The following SDK1 variants were observed in gnomAD, a reference collection of about 807,000 sequenced individuals.
SDK1 encodes the protein sidekick cell adhesion molecule 1.
Under a neutral mutation model 245.5 loss-of-function variants are expected in SDK1, and 157 were observed. That is an observed-to-expected ratio of 0.64 (90% CI 0.56 to 0.73). The LOEUF (loss-of-function observed/expected upper bound fraction) is 0.73. Ranked by LOEUF, SDK1 falls within the 30% of genes least tolerant of loss-of-function variation. The pLI is 0.00. For synonymous variants in SDK1, 1,647 were observed against 1,278.5 expected, an observed-to-expected ratio of 1.29 and a Z score of -6.15; for missense variants, 3,583 against 3,002.3, an observed-to-expected ratio of 1.19 and a Z score of -4.52.
chr7:3,656,861 C>G (rs1253953157), intron 4 of SDK1, among the ~76,000 whole-genome samples: 1 of 151,898 alleles, frequency 6.6e-6, no homozygotes, highest in Non-Finnish European at 1.5e-5. Context: ...CATTCTCCTG[C>G]CTCAGCCTCC....
At chr7:4,144,838 T>C (rs1010139460) in intron 28 of SDK1, among the ~76,000 whole-genome samples, 1 of 152,168 alleles carries the variant, frequency 6.6e-6, no homozygotes, top group African/African-American at 2.4e-5. Flanking sequence ...CCTCCCTTGT[T>C]TAACTCCAGC....
intron 1 of SDK1, among the ~76,000 whole-genome samples, chr7:3,355,151 T>C (rs768384451): frequency 1.3e-5 from 2 of 152,248 alleles, no homozygotes; most frequent in East Asian, 3.8e-4. Context: ...CCTGTTAAAG[T>C]AATTGAAGAT....
At chr7:4,162,369 G>A (rs57109381) in intron 32 of SDK1, among the ~76,000 whole-genome samples, 2,900 of 128,232 alleles carry the variant, frequency 0.023, 99 homozygotes, top group African/African-American at 0.07. Context: ...TGTTGTTGTT[G>A]TTATTATTAT....
At chr7:3,686,738 T>A (rs547985950) in intron 4 of SDK1, among the ~76,000 whole-genome samples, 86 of 152,254 alleles carry the variant, frequency 5.6e-4, no homozygotes, top group African/African-American at 2.0e-3. Context: ...CAGGACCACA[T>A]GGGATCAGGT....
chr7:3,885,334 G>A (rs532273570), intron 5 of SDK1, among the ~76,000 whole-genome samples: 8 of 152,292 alleles, frequency 5.3e-5, no homozygotes, highest in Non-Finnish European at 1.0e-4. Flanking sequence ...TTGGTAACTT[G>A]GGGGTGGGCT....
intron 35 of SDK1, among the ~76,000 whole-genome samples, chr7:4,201,747 A>G (rs111271506): frequency 0.075 from 11,142 of 147,640 alleles, 429 homozygotes; most frequent in Middle Eastern, 0.11. Context: ...ACAACAGATG[A>G]CTGGCATGGC....
chr7:3,578,298 G>A (rs112845315), intron 1 of SDK1, among the ~76,000 whole-genome samples: 1 of 152,010 alleles, frequency 6.6e-6, no homozygotes, highest in Non-Finnish European at 1.5e-5. Flanking sequence ...GGGAGGGGGT[G>A]CAAGAACAGG....
At chr7:4,241,215 G>A (rs1786498668) in intron 42 of SDK1, among the ~76,000 whole-genome samples, 1 of 152,168 alleles carries the variant, frequency 6.6e-6, no homozygotes, top group African/African-American at 2.4e-5. Flanking sequence ...TCAAAAGGAA[G>A]CTCTGTACCC....
chr7:3,361,912 A>G (rs1263963212), intron 1 of SDK1, among the ~76,000 whole-genome samples: 1 of 152,228 alleles, frequency 6.6e-6, no homozygotes, highest in African/African-American at 2.4e-5. Flanking sequence ...TCTTTTAAGT[A>G]CTATATATCT....
intron 4 of SDK1, among the ~76,000 whole-genome samples, chr7:3,685,980 C>A (rs1322538018): frequency 6.6e-6 from 1 of 151,922 alleles, no homozygotes; most frequent in Non-Finnish European, 1.5e-5. Context: ...AAAAAATGAC[C>A]TAATAATATA....
intron 5 of SDK1, among the ~76,000 whole-genome samples, chr7:3,916,502 C>T (rs534812345): frequency 3.5e-4 from 53 of 152,246 alleles, no homozygotes; most frequent in South Asian, 1.9e-3. Flanking sequence ...CCATCTTTGT[C>T]TTAAAAGATG....
rs565446279 is a variant in SDK1, at chr7:3,834,640, G to GC, written c.847+13063dup. Among the ~76,000 whole-genome samples the GC allele has an allele frequency of 2.4e-4, 36 of 152,202 alleles. No individual in the cohort carries two copies. In the East Asian group the frequency reaches 6.2e-3, roughly 26 times the overall value. On this transcript the variant is annotated intron_variant, in intron 5 of 44. Coordinates refer to ENST00000404826, the MANE Select transcript of SDK1 (RefSeq NM_152744.4). ...TTGCTCCCTTGTTATAAATATCAGTGCCCCCCAGGAAGACTCTGCATTTAA... is the reference window on the plus strand; with the variant it reads ...TTGCTCCCTTGTTATAAATATCAGTGCCCCCCCAGGAAGACTCTGCATTTAA...
chr7:4,139,359 A>G (rs1420231691), intron 28 of SDK1, among the ~76,000 whole-genome samples: 2 of 151,856 alleles, frequency 1.3e-5, no homozygotes, highest in Non-Finnish European at 2.9e-5. Context: ...GTATGTATAA[A>G]CAACTATATA....
intron 1 of SDK1, among the ~76,000 whole-genome samples, chr7:3,506,308 T>A (rs1782390997): frequency 6.6e-6 from 1 of 152,186 alleles, no homozygotes; most frequent in Admixed American, 6.5e-5. Context: ...TCTTCTATTG[T>A]CTTCTGGCTT....
At chr7:3,898,138 G>C (rs1488906590) in intron 5 of SDK1, among the ~76,000 whole-genome samples, 1 of 152,222 alleles carries the variant, frequency 6.6e-6, no homozygotes, top group Non-Finnish European at 1.5e-5. Flanking sequence ...CTGAGTTGAA[G>C]TGGCCTGAAT....
intron 23 of SDK1, among the ~76,000 whole-genome samples, chr7:4,112,613 A>G (rs746782854): frequency 1.3e-5 from 2 of 152,166 alleles, no homozygotes; most frequent in Non-Finnish European, 2.9e-5. Flanking sequence ...AACTTGAATC[A>G]GGGCAACTGA....
At chr7:3,916,521 T>C (rs1029310052) in intron 5 of SDK1, among the ~76,000 whole-genome samples, 2 of 152,190 alleles carry the variant, frequency 1.3e-5, no homozygotes, top group African/African-American at 2.4e-5. Flanking sequence ...TGATGGAAAG[T>C]CAACTGTCTG....
chr7:3,878,690 G>C (rs570902706), intron 5 of SDK1, among the ~76,000 whole-genome samples: 2 of 152,248 alleles, frequency 1.3e-5, no homozygotes, highest in South Asian at 2.1e-4. Flanking sequence ...TCAGCACTTA[G>C]AGGGTTCGAA....
At chr7:3,514,229 T>A (rs1052310985) in intron 1 of SDK1, among the ~76,000 whole-genome samples, 5 of 152,218 alleles carry the variant, frequency 3.3e-5, no homozygotes, top group African/African-American at 1.2e-4. Flanking sequence ...TATAGGAGAT[T>A]TACAATGGAC....
Sources: gnomAD v4.1 joint callset for allele counts (sites outside exome capture counted in the v4.1 genomes callset) on GRCh38, gnomAD v4.1.1 for gene constraint, MANE v1.5 for transcripts, NCBI Gene and HGNC (gene_info 2026-07-23, HGNC 2026-07-21) for gene names.